Variants in ATP2C2 observed in about 807,000 individuals in gnomAD.
The protein encoded by ATP2C2 is calcium-transporting ATPase type 2C member 2.
In ATP2C2, 171 loss-of-function variants were observed where a neutral mutation model predicts 110.8. The observed-to-expected ratio is 1.54, with a 90% CI of 1.36 to 1.75. The LOEUF (loss-of-function observed/expected upper bound fraction) is 1.75, where lower values mean the gene tolerates loss of function less well. ATP2C2 is among the 40% of genes most tolerant of loss of function. The pLI, the probability that ATP2C2 is intolerant of heterozygous loss-of-function variation, is 0.00. For missense variants in ATP2C2, 1,963 were observed against 1,235.0 expected (o/e 1.59, Z -8.84); for synonymous variants, 804 against 508.4 (o/e 1.58, Z -7.82).
chr16:84,371,203 A>C (rs1909934580), intron 1 of ATP2C2, among the ~76,000 whole-genome samples: 2 of 152,176 alleles, frequency 1.3e-5, no homozygotes. Flanking sequence ...ACTGGATTTC[A>C]GCATTTCCAG....
intron 1 of ATP2C2, among the ~76,000 whole-genome samples, chr16:84,372,457 A>G (rs1215647862): frequency 6.6e-6 from 1 of 152,132 alleles, no homozygotes; most frequent in Non-Finnish European, 1.5e-5. Context: ...CTTTCGAGAC[A>G]GTGTCTCGCC....
At chr16:84,454,591 C>T (rs943920646) in intron 20 of ATP2C2, among the ~76,000 whole-genome samples, 12 of 152,210 alleles carry the variant, frequency 7.9e-5, no homozygotes, top group Admixed American at 2.6e-4. Context: ...GGCCTCACAA[C>T]AGCCCTGGGA....
chr16:84,415,353 C>G, intron 6 of ATP2C2, 130 bp from the exon 7 acceptor site: 1 of 757,576 alleles, frequency 1.3e-6, no homozygotes, highest in Non-Finnish European at 2.3e-6. Context: ...ATAATAACAC[C>G]CCAAAGGCAC....
chr16:84,409,033 C>G (rs941529786), intron 4 of ATP2C2, among the ~76,000 whole-genome samples: 27 of 152,104 alleles, frequency 1.8e-4, no homozygotes, highest in Non-Finnish European at 3.2e-4. Flanking sequence ...ACTTCCTGTC[C>G]CCGCTCCTAC....
chr16:84,425,702 A>G, intron 10 of ATP2C2, 33 bp from the exon 11 acceptor site: 1 of 1,607,492 alleles, frequency 6.2e-7, no homozygotes. Context: ...TGTAGTGCAT[A>G]TGGAGATAAG....
In ATP2C2 at chr16:84,463,485, C is replaced by G. The variant is rs1293930843; in HGVS notation, c.2723-129C>G. The G allele has an allele frequency of 7.9e-6, 6 of 756,328 alleles. No individual in the cohort carries two copies. In the South Asian group the frequency reaches 8.2e-5, roughly 10 times the overall value. 46.9% of individuals were successfully genotyped at this position (756,328 alleles called of 1,614,324 possible). ...TGGGTTAGGAAGATCTCCCTGCCTTCAGGGGAATGAAAAGGGCTGGTCCTC... is the reference window on the plus strand; with the variant it reads ...TGGGTTAGGAAGATCTCCCTGCCTTGAGGGGAATGAAAAGGGCTGGTCCTC... On this transcript the variant is annotated intron_variant, in intron 26 of 26. Coordinates refer to ENST00000262429, the MANE Select transcript of ATP2C2 (RefSeq NM_014861.4).
At position 84,409,618 on chromosome 16, in the gene ATP2C2, G is replaced by T. The variant is rs189795271; in HGVS notation, c.418-950G>T. Among the ~76,000 whole-genome samples, 660 of 152,114 alleles carry T rather than the reference G, an allele frequency of 4.3e-3. 3 individuals carry two copies. The highest frequency in any genetic ancestry group is 0.013 in the South Asian group (63 of 4,806). Reference sequence around the variant, plus strand: ...TCTGCTTCTCCTGCCTCAGCCTTCTGAGCAGCTGGGATTACAGGTGCCCGC... The same window carrying T: ...TCTGCTTCTCCTGCCTCAGCCTTCTTAGCAGCTGGGATTACAGGTGCCCGC... On this transcript the variant is annotated intron_variant, in intron 4 of 26. Coordinates refer to ENST00000262429, the MANE Select transcript of ATP2C2 (RefSeq NM_014861.4).
chr16:84,402,980 G>A (rs1399912110), intron 2 of ATP2C2, among the ~76,000 whole-genome samples: 1 of 152,112 alleles, frequency 6.6e-6, no homozygotes, highest in African/African-American at 2.4e-5. Flanking sequence ...GGTCTATTCA[G>A]CTTTTGGATT....
chr16:84,368,786 C>A, intron 1 of ATP2C2, 72 bp downstream of exon 1: 1 of 1,268,196 alleles, frequency 7.9e-7, no homozygotes, highest in Non-Finnish European at 1.1e-6. Flanking sequence ...CGTCCCCGGC[C>A]CGAGACCCCG....
At chr16:84,390,975 G>A (rs1241243336) in intron 1 of ATP2C2, among the ~76,000 whole-genome samples, 4 of 151,900 alleles carry the variant, frequency 2.6e-5, no homozygotes, top group Admixed American at 6.6e-5. Context: ...TTAGCCCGGC[G>A]TGGTGGTGGG....
intron 2 of ATP2C2, among the ~76,000 whole-genome samples, chr16:84,398,959 C>G (rs1230056558): frequency 2.0e-5 from 3 of 152,226 alleles, no homozygotes; most frequent in Non-Finnish European, 4.4e-5. Flanking sequence ...TAGCACAGCC[C>G]AGCGTGGAGT....
rs575731311 is a variant in ATP2C2, at chr16:84,431,426, G to A, written c.986+5625G>A. Among the ~76,000 whole-genome samples the A allele has an allele frequency of 1.7e-3, 262 of 152,194 alleles. 2 individuals are homozygous for A. Among genetic ancestry groups the A allele is most frequent in the African/African-American group, 6.0e-3 (248 of 41,518 alleles). On this transcript the variant is annotated intron_variant, in intron 11 of 26. Coordinates refer to ENST00000262429, the MANE Select transcript of ATP2C2 (RefSeq NM_014861.4). ...CAGGAGAATCGCTTGAACTTGGGAG[G>A]CAGAGGTTGCAGTGAGCCGACATCT...
chr16:84,371,110 G>A (rs184922541), intron 1 of ATP2C2, among the ~76,000 whole-genome samples: 26 of 152,314 alleles, frequency 1.7e-4, no homozygotes, highest in Non-Finnish European at 2.6e-4. Flanking sequence ...AGGTGCACTG[G>A]AGAATCAAAG....
intron 15 of ATP2C2, among the ~76,000 whole-genome samples, chr16:84,444,685 G>A (rs113601588): frequency 0.049 from 7,443 of 152,264 alleles, 223 homozygotes; most frequent in Admixed American, 0.077. Flanking sequence ...CCTTGCTTCC[G>A]CCACCAGCCG....
At chr16:84,427,741 G>A (rs1406887629) in intron 11 of ATP2C2, among the ~76,000 whole-genome samples, 1 of 151,856 alleles carries the variant, frequency 6.6e-6, no homozygotes, top group Non-Finnish European at 1.5e-5. Flanking sequence ...CCAAAACATA[G>A]GTCACTTCAT....
intron 2 of ATP2C2, among the ~76,000 whole-genome samples, chr16:84,400,261 C>G (rs994551773): frequency 3.9e-5 from 6 of 152,036 alleles, no homozygotes; most frequent in Non-Finnish European, 8.8e-5. Context: ...ATTCTGATTT[C>G]CTTTCTTTTG....
At chr16:84,452,725 C>T (rs189318014) in intron 18 of ATP2C2, among the ~76,000 whole-genome samples, 1 of 152,190 alleles carries the variant, frequency 6.6e-6, no homozygotes, top group East Asian at 1.9e-4. Context: ...TCTTGAACTC[C>T]TGAACTCAGG....
chr16:84,432,423 T>C (rs1321827518), intron 11 of ATP2C2, among the ~76,000 whole-genome samples: 1 of 151,886 alleles, frequency 6.6e-6, no homozygotes, highest in Non-Finnish European at 1.5e-5. Context: ...GGCCTAATGC[T>C]CTCCCCCGAA....
At chr16:84,460,321 G>T (rs35858301) in intron 23 of ATP2C2, 10 of 380,270 alleles carry the variant, frequency 2.6e-5, no homozygotes, top group Non-Finnish European at 5.0e-5. Context: ...GGCGGAGCCT[G>T]GAGCCTGTTT....
Sources: allele counts gnomAD v4.1 joint callset (sites outside exome capture counted in the v4.1 genomes callset), GRCh38; gene constraint gnomAD v4.1.1; transcripts MANE v1.5; gene names NCBI Gene and HGNC (gene_info 2026-07-23, HGNC 2026-07-21).